The following ATP6V1C2 variants were observed in gnomAD, a reference collection of about 807,000 sequenced individuals.
ATP6V1C2 encodes ATPase H+ transporting V1 subunit C2, also known as V-type proton ATPase subunit C 2.
Under a neutral mutation model 56.8 loss-of-function variants are expected in ATP6V1C2, and 45 were observed. That is an observed-to-expected ratio of 0.79 (90% CI 0.62 to 1.02). ATP6V1C2 has a LOEUF of 1.02. Ranked by LOEUF, ATP6V1C2 falls within the 50% of genes least tolerant of loss-of-function variation. The pLI is 0.00. For synonymous variants in ATP6V1C2, 220 were observed against 201.3 expected (o/e 1.09, Z -0.79); for missense variants, 463 against 519.7 (o/e 0.89, Z 1.06).
In ATP6V1C2 at chr2:10,733,818, T is replaced by TTCCCCTGTCGTTGCTTGCCCCTGAGTGCC. The variant is rs2148419937; in HGVS notation, c.197+7277_197+7278insCTCCCCTGTCGTTGCTTGCCCCTGAGTGC. On this transcript the variant is annotated intron_variant, in intron 3 of 13. Transcript: ENST00000272238. ...GTGACCGTTGCTTGCCCCTAAGTGC[T>TTCCCCTGTCGTTGCTTGCCCCTGAGTGCC]TCCCCTGTCGTTGCTTGCCCCTGAG... Among the ~76,000 whole-genome samples the TTCCCCTGTCGTTGCTTGCCCCTGAGTGCC allele has an allele frequency of 3.9e-5, 6 of 152,162 alleles. 1 individual carries two copies. In the South Asian group the frequency reaches 1.2e-3, roughly 32 times the overall value.
chr2:10,754,032 G>C lies in ATP6V1C2; in HGVS notation c.249G>C (p.Lys83Asn). The change falls in exon 4 of 14, where the codon AAG becomes AAC. Residue 83 changes from lysine to asparagine, a missense_variant. Physicochemically the swap from Lys to Asn is moderately conservative, Grantham distance 94 (BLOSUM62 0). Coordinates refer to ENST00000272238, the MANE Select transcript of ATP6V1C2 (RefSeq NM_001039362.2). ...QSVVEVMEDS[K>N]GKVQEHLLAN... ...TGGTGGAAGTCATGGAGGACTCAAA[G>C]GGGAAGGTCCAGGAGCACCTCCTGG... 3 of 1,607,982 alleles carry C rather than the reference G, an allele frequency of 1.9e-6. No individual in the cohort carries two copies. The highest frequency in any genetic ancestry group is 2.5e-6 in the Non-Finnish European group (3 of 1,176,658).
chr2:10,735,888 C>T (rs763102624), intron 3 of ATP6V1C2, among the ~76,000 whole-genome samples: 2 of 152,074 alleles, frequency 1.3e-5, no homozygotes, highest in African/African-American at 2.4e-5. Context: ...TGTGCCAGGC[C>T]CTCCTGGAGA....
intron 10 of ATP6V1C2, among the ~76,000 whole-genome samples, chr2:10,775,328 C>T (rs1185508922): frequency 6.6e-6 from 1 of 152,218 alleles, no homozygotes; most frequent in African/African-American, 2.4e-5. Flanking sequence ...CACATGTGTT[C>T]TCACTGGTCC....
intron 5 of ATP6V1C2, 152 bp downstream of exon 5, chr2:10,764,577 G>T: frequency 1.5e-6 from 1 of 657,198 alleles, no homozygotes; most frequent in Non-Finnish European, 2.6e-6. Flanking sequence ...GGGCAGGTTT[G>T]GGGTTTCAGG....
intron 2 of ATP6V1C2, among the ~76,000 whole-genome samples, chr2:10,725,963 C>T (rs549480408): frequency 2.8e-4 from 43 of 152,028 alleles, no homozygotes; most frequent in Non-Finnish European, 5.1e-4. Flanking sequence ...CCTGTAATCC[C>T]AGCTACCTAG....
At chr2:10,727,979 G>C (rs1014865019) in intron 3 of ATP6V1C2, among the ~76,000 whole-genome samples, 1 of 152,134 alleles carries the variant, frequency 6.6e-6, no homozygotes, top group Non-Finnish European at 1.5e-5. Flanking sequence ...CCTCTTTTAA[G>C]GCAATTTTCC....
At chr2:10,747,083 A>T (rs1486136275) in intron 3 of ATP6V1C2, among the ~76,000 whole-genome samples, 1 of 152,170 alleles carries the variant, frequency 6.6e-6, no homozygotes, top group Non-Finnish European at 1.5e-5. Context: ...AGCCTGACCA[A>T]CATGAAGAAA....
intron 3 of ATP6V1C2, among the ~76,000 whole-genome samples, chr2:10,741,894 CCTTCCT>C (rs1270454725): frequency 0.16 from 289 of 1,828 alleles, no homozygotes; most frequent in African/African-American, 0.26. Flanking sequence ...CTCCTTCCCT[CCTTCCT>C]TCCTTCCTTC....
Position 10,722,831 on chromosome 2 carries a change from G to T in ATP6V1C2, c.-19G>T. On this transcript the variant is annotated 5_prime_UTR_variant, in exon 2 of 14. Transcript: ENST00000272238. ...TGTCCTGGTTCTGGGCAGTCACTGG[G>T]TAAGAGAAGACTGGAAGCATGTCGG... The T allele has an allele frequency of 6.2e-7, 1 of 1,613,692 alleles. No homozygotes were observed. Among genetic ancestry groups the T allele is most frequent in the South Asian group, 1.1e-5 (1 of 91,014 alleles).
At chr2:10,747,889 C>T (rs1663009384) in intron 3 of ATP6V1C2, among the ~76,000 whole-genome samples, 1 of 151,228 alleles carries the variant, frequency 6.6e-6, no homozygotes, top group African/African-American at 2.4e-5. Context: ...GAGATGGTGT[C>T]TCGCTTTGTT....
At chr2:10,726,220 G>C (rs1426764568) in intron 2 of ATP6V1C2, among the ~76,000 whole-genome samples, 1 of 152,206 alleles carries the variant, frequency 6.6e-6, no homozygotes, top group Non-Finnish European at 1.5e-5. Context: ...CTAGCAGGCT[G>C]CCATTCTAAG....
chr2:10,773,415 C>T (rs944665796), intron 8 of ATP6V1C2, among the ~76,000 whole-genome samples: 10 of 152,194 alleles, frequency 6.6e-5, no homozygotes, highest in African/African-American at 2.4e-4. Flanking sequence ...TGGAGTCTCA[C>T]TCTGTTGCCC....
intron 7 of ATP6V1C2, 69 bp downstream of exon 7, chr2:10,772,006 C>A: frequency 1.4e-6 from 2 of 1,405,578 alleles, no homozygotes; most frequent in Non-Finnish European, 2.0e-6. Context: ...CCGTTGGTGA[C>A]TTGGGCAGTG....
intron 4 of ATP6V1C2, among the ~76,000 whole-genome samples, chr2:10,759,772 C>T (rs1663791812): frequency 6.6e-6 from 1 of 151,926 alleles, no homozygotes; most frequent in African/African-American, 2.4e-5. Flanking sequence ...CAAGAGGTCT[C>T]AATCTGTCAA....
intron 4 of ATP6V1C2, among the ~76,000 whole-genome samples, chr2:10,761,816 C>G (rs1046312744): frequency 6.6e-6 from 1 of 152,234 alleles, no homozygotes; most frequent in Non-Finnish European, 1.5e-5. Flanking sequence ...GAGGTACTCT[C>G]GTCAACAGGC....
Position 10,732,242 on chromosome 2 carries a change from TCTCTTTCTCTCA to T in ATP6V1C2, c.197+5685_197+5696del, listed in dbSNP as rs1210987244. Among the ~76,000 whole-genome samples the T allele has an allele frequency of 5.9e-5, 9 of 152,016 alleles. No homozygotes were observed. The South Asian group carries it at 6.3e-4, about 11-fold the overall frequency. On this transcript the variant is annotated intron_variant, in intron 3 of 13. Transcript: ENST00000272238. ...CCATCCCTCCCTCTCCCTCTCTCTC[TCTCTTTCTCTCA>T]CTCTTTCTCTCTTTCTTTCTTTTTG...
rs527600929 is a variant in ATP6V1C2, at chr2:10,743,797, T to C, written c.198-10184T>C. Among the ~76,000 whole-genome samples, 87 of 151,820 alleles carry C rather than the reference T, an allele frequency of 5.7e-4. 3 individuals carry two copies. In the South Asian group the frequency reaches 0.017, roughly 30 times the overall value. On this transcript the variant is annotated intron_variant, in intron 3 of 13. Transcript: ENST00000272238. ...GTCAGGAGCTCAAGACCAGCCTGGC[T>C]AACATGGTGAAACCCCATCTTTACT...
chr2:10,783,169 T>G lies in ATP6V1C2; in HGVS notation c.1195-5T>G. 1.2e-6 allele frequency: 2 copies of G among 1,609,508 alleles called. No individual in the cohort carries two copies. Among genetic ancestry groups the G allele is most frequent in the East Asian group, 4.5e-5 (2 of 44,858 alleles). ...CTTAGAGCATTACCATGTCTTCTTT[T>G]GTAGGCATCTGTGGAGATCCCGGGA... On this transcript the variant is annotated splice_polypyrimidine_tract_variant and splice_region_variant and intron_variant, in intron 13 of 13. Transcript: ENST00000272238.
At chr2:10,740,046 C>G (rs1187764633) in intron 3 of ATP6V1C2, among the ~76,000 whole-genome samples, 1 of 150,246 alleles carries the variant, frequency 6.7e-6, no homozygotes. Flanking sequence ...TGAGATCACG[C>G]CTCTGCACTC....
Sources: allele counts gnomAD v4.1 joint callset (sites outside exome capture counted in the v4.1 genomes callset), GRCh38; gene constraint gnomAD v4.1.1; transcripts MANE v1.5; gene names NCBI Gene and HGNC (gene_info 2026-07-23, HGNC 2026-07-21).